The following RPS6KA2 variants were observed in gnomAD, a reference collection of about 807,000 sequenced individuals.
RPS6KA2 encodes the protein ribosomal protein S6 kinase A2.
In RPS6KA2, 42 loss-of-function variants were observed where a neutral mutation model predicts 91.8. That is an observed-to-expected ratio of 0.46 (90% CI 0.36 to 0.59). The LOEUF (loss-of-function observed/expected upper bound fraction) is 0.59, where lower values mean the gene tolerates loss of function less well. Among genes scored for constraint, RPS6KA2 ranks in the 20% least tolerant of loss-of-function variants. The pLI, the probability that RPS6KA2 is intolerant of heterozygous loss-of-function variation, is 0.00. For synonymous variants in RPS6KA2, 414 were observed against 393.6 expected, an observed-to-expected ratio of 1.05 and a Z score of -0.61; for missense variants, 798 against 978.5, an observed-to-expected ratio of 0.82 and a Z score of 2.46.
chr6:166,519,474 G>A lies in RPS6KA2; in HGVS notation c.299-9117C>T, dbSNP rs771095733. On this transcript the variant is annotated intron_variant, in intron 3 of 20. Coordinates refer to ENST00000265678, the MANE Select transcript of RPS6KA2 (RefSeq NM_021135.6). ...CCTCTATTTGTGGCCAACCTGCCGC[G>A]TTTCGGGTTTGGATGATGTAGTTTC... Among the ~76,000 whole-genome samples, 9 of 152,210 alleles carry A rather than the reference G, an allele frequency of 5.9e-5. No individual in the cohort carries two copies. The South Asian group carries it at 1.2e-3, about 21-fold the overall frequency.
chr6:166,737,760 C>T lies in RPS6KA2; in HGVS notation c.123+120440G>A, dbSNP rs1462633098. On this transcript the variant is annotated intron_variant, in intron 2 of 21. Transcript: ENST00000503859. The surrounding 1 kb of genome is among the most constrained non-coding windows in gnomAD (Gnocchi z 4.3). ...GGTTCTGAACTTGACAAATGCCGTA[C>T]CCAAAATAGTATATTCCCTGTTTAG... Among the ~76,000 whole-genome samples the T allele has an allele frequency of 3.3e-5, 5 of 152,226 alleles. No individual in the cohort carries two copies. The East Asian group carries it at 5.8e-4, about 18-fold the overall frequency.
At chr6:166,594,406 A>T (rs776432318) in intron 1 of RPS6KA2, among the ~76,000 whole-genome samples, 3 of 152,236 alleles carry the variant, frequency 2.0e-5, no homozygotes, top group Non-Finnish European at 2.9e-5. Context: ...ATATCTTATT[A>T]AAAAAATTGT....
intron 12 of RPS6KA2, 125 bp from the exon 13 acceptor site, chr6:166,451,358 T>C (rs1030379877): frequency 1.1e-4 from 115 of 1,012,556 alleles, no homozygotes; most frequent in African/African-American, 4.6e-4. Context: ...TGTGTGTGTG[T>C]GCACGTGGCG....
rs2235273 is a variant in RPS6KA2 at position 166,501,091 on chromosome 6, A to G, written c.567-167T>C. Among the ~76,000 whole-genome samples the G allele has an allele frequency of 6.6e-4, 101 of 152,176 alleles. 4 individuals are homozygous for G. The East Asian group carries it at 0.018, about 27-fold the overall frequency. On this transcript the variant is annotated intron_variant, in intron 6 of 20. Coordinates refer to ENST00000265678, the MANE Select transcript of RPS6KA2 (RefSeq NM_021135.6). ...CACGGCTTGTGCGGTGGGCCTTCCC[A>G]TCCTGCCTCGCTTCTCCACAGCTCC...
chr6:166,509,607 A>G (rs1289021254), intron 4 of RPS6KA2, among the ~76,000 whole-genome samples: 2 of 152,346 alleles, frequency 1.3e-5, no homozygotes, highest in South Asian at 2.1e-4. Flanking sequence ...TCCCTTCTGT[A>G]CTTTGCTCAT....
intron 1 of RPS6KA2, among the ~76,000 whole-genome samples, chr6:166,625,706 T>C (rs1006245786): frequency 1.4e-4 from 21 of 152,198 alleles, no homozygotes; most frequent in African/African-American, 3.9e-4. Context: ...GCCTCACTGG[T>C]GTGCTTCATT....
At chr6:166,464,259 G>C (rs1430013811) in intron 11 of RPS6KA2, among the ~76,000 whole-genome samples, 1 of 152,108 alleles carries the variant, frequency 6.6e-6, no homozygotes. Flanking sequence ...CACACCCCAC[G>C]CGCTGCCAGA....
At chr6:166,430,324 C>T (rs566249495) in intron 16 of RPS6KA2, 129 bp downstream of exon 16, 84 of 859,970 alleles carry the variant, frequency 9.8e-5, no homozygotes, top group South Asian at 2.4e-4. Flanking sequence ...ACAAGAGAGA[C>T]GATGGTGGCA....
At chr6:166,790,544 T>C (rs1323291101) in intron 2 of RPS6KA2, among the ~76,000 whole-genome samples, 1 of 151,826 alleles carries the variant, frequency 6.6e-6, no homozygotes, top group Non-Finnish European at 1.5e-5. Context: ...GAAGAGCAAC[T>C]CCAAGACACA....
chr6:166,454,427 G>A (rs1780023026), intron 12 of RPS6KA2, among the ~76,000 whole-genome samples: 1 of 152,158 alleles, frequency 6.6e-6, no homozygotes, highest in Non-Finnish European at 1.5e-5. Flanking sequence ...GAACCTGGGA[G>A]GTGGAGGTTG....
At chr6:166,450,690 GGGACCACCACAA>G (rs1195252754) in intron 13 of RPS6KA2, among the ~76,000 whole-genome samples, 9 of 148,422 alleles carry the variant, frequency 6.1e-5, no homozygotes, top group South Asian at 4.3e-4. Flanking sequence ...GACCACCACA[GGGACCACCACAA>G]GGGACCACCC....
At chr6:166,497,141 C>A (rs538130008) in intron 8 of RPS6KA2, among the ~76,000 whole-genome samples, 1 of 152,180 alleles carries the variant, frequency 6.6e-6, no homozygotes. Flanking sequence ...GAGGGGTGAC[C>A]GTGGGGGACT....
intron 2 of RPS6KA2, among the ~76,000 whole-genome samples, chr6:166,679,809 C>T (rs997901472): frequency 2.0e-5 from 3 of 152,196 alleles, no homozygotes; most frequent in Admixed American, 2.0e-4. Context: ...CACTGGCTGG[C>T]GCGGGTTCCA....
intron 2 of RPS6KA2, among the ~76,000 whole-genome samples, chr6:166,816,285 C>T (rs954112260): frequency 6.6e-6 from 1 of 151,532 alleles, no homozygotes; most frequent in East Asian, 1.9e-4. Flanking sequence ...GCGGCTTACA[C>T]CTGTAATCCT....
Position 166,626,778 on chromosome 6 carries a change from G to T in RPS6KA2, c.99+143C>A. The T allele has an allele frequency of 1.5e-6, 1 of 665,436 alleles. No individual in the cohort carries two copies. The highest frequency in any genetic ancestry group is 2.2e-6 in the Non-Finnish European group (1 of 462,010). 41.2% of individuals were successfully genotyped at this position (665,436 alleles called of 1,614,324 possible). On this transcript the variant is annotated intron_variant, in intron 1 of 20. Transcript: ENST00000265678. This position sits in a 1 kb window ranked among gnomAD's most constrained non-coding sequence, Gnocchi z 4.1. ...GATAACGTTTGGAGCCGTTTGGTTCGATTTTCGGAACCGGACCAGCTTTCC... is the reference window on the plus strand; with the variant it reads ...GATAACGTTTGGAGCCGTTTGGTTCTATTTTCGGAACCGGACCAGCTTTCC...
intron 2 of RPS6KA2, among the ~76,000 whole-genome samples, chr6:166,780,327 C>A (rs1778736595): frequency 6.6e-6 from 1 of 152,184 alleles, no homozygotes; most frequent in Non-Finnish European, 1.5e-5. Context: ...GGCACAGAAA[C>A]AGGTGCATGG....
At chr6:166,717,269 CAG>C (rs1671852197) in intron 2 of RPS6KA2, among the ~76,000 whole-genome samples, 1 of 152,200 alleles carries the variant, frequency 6.6e-6, no homozygotes, top group Non-Finnish European at 1.5e-5. Context: ...TTACCAAAAA[CAG>C]TGAACATCTG....
intron 2 of RPS6KA2, among the ~76,000 whole-genome samples, chr6:166,827,115 T>C (rs1416662665): frequency 6.6e-6 from 1 of 151,956 alleles, no homozygotes; most frequent in Non-Finnish European, 1.5e-5. Context: ...AGAATAAAAA[T>C]GGAGTCACTA....
chr6:166,527,786 A>C (rs11962190), intron 3 of RPS6KA2, among the ~76,000 whole-genome samples: 29,755 of 152,018 alleles, frequency 0.2, 3,078 homozygotes, highest in African/African-American at 0.26. Flanking sequence ...GGACGGTCAT[A>C]TGAGTAGAAT....
Sources: gnomAD v4.1 joint callset for allele counts (sites outside exome capture counted in the v4.1 genomes callset) on GRCh38, gnomAD v4.1.1 for gene constraint, Gnocchi (gnomAD v3.1) non-coding constraint, MANE v1.5 for transcripts, NCBI Gene and HGNC (gene_info 2026-07-23, HGNC 2026-07-21) for gene names.